The following TTC29 variants were observed in gnomAD, a reference collection of about 807,000 sequenced individuals.
The protein encoded by TTC29 is tetratricopeptide repeat protein 29.
In TTC29, 49 loss-of-function variants were observed where a neutral mutation model predicts 58.1. The ratio of observed to expected loss-of-function variants is 0.84; its 90% CI spans 0.67 to 1.07. The LOEUF (loss-of-function observed/expected upper bound fraction) is 1.07, where lower values mean the gene tolerates loss of function less well. Ranked by LOEUF, TTC29 falls within the 50% of genes least tolerant of loss-of-function variation. TTC29 has a pLI of 0.00. For missense variants in TTC29, 582 were observed against 555.6 expected (o/e 1.05, Z -0.48); for synonymous variants, 209 against 196.8 (o/e 1.06, Z -0.52).
chr4:146,728,647 A>G (rs557791729), intron 11 of TTC29, among the ~76,000 whole-genome samples: 7 of 144,716 alleles, frequency 4.8e-5, no homozygotes, highest in African/African-American at 1.8e-4. Context: ...TACTACTACT[A>G]CTCTCTCTCT....
At position 146,770,875 on chromosome 4, in the gene TTC29, C is replaced by T. The variant is rs192768761; in HGVS notation, c.1330+32582G>A. Among the ~76,000 whole-genome samples the T allele has an allele frequency of 7.2e-5, 11 of 152,064 alleles. No homozygotes were observed. In the East Asian group the frequency reaches 2.1e-3, roughly 29 times the overall value. ...AGCAGGGTAGCCTAGGTCCCTGCTG[C>T]CAAGAAGCTTACCAATAACTAACTT... On this transcript the variant is annotated intron_variant, in intron 11 of 12. Transcript: ENST00000325106.
chr4:146,879,816 G>GT (rs1472287509), intron 6 of TTC29, among the ~76,000 whole-genome samples: 1 of 152,106 alleles, frequency 6.6e-6, no homozygotes, highest in East Asian at 1.9e-4. Flanking sequence ...TTTTACCAAC[G>GT]TATCACAAAT....
In TTC29 at chr4:146,736,007, ATT is replaced by A. The variant is rs1277528791; in HGVS notation, c.1331-28458_1331-28457del. 3.3e-5 allele frequency among the ~76,000 whole-genome samples: 5 copies of A among 152,190 alleles called. No individual in the cohort carries two copies. In the South Asian group the frequency reaches 6.2e-4, roughly 19 times the overall value. Reference sequence around the variant, plus strand: ...AAGTCTTAATACAATACTATCGAAGATTGGGTGGACCAAAGGGAGTCCCTGCC... The same window carrying A: ...AAGTCTTAATACAATACTATCGAAGAGGGTGGACCAAAGGGAGTCCCTGCC... On this transcript the variant is annotated intron_variant, in intron 11 of 12. Coordinates refer to ENST00000325106, the MANE Select transcript of TTC29 (RefSeq NM_031956.4).
intron 11 of TTC29, among the ~76,000 whole-genome samples, chr4:146,795,354 T>G (rs1749762177): frequency 6.6e-6 from 1 of 152,158 alleles, no homozygotes; most frequent in Admixed American, 6.6e-5. Flanking sequence ...ATTAGTGTCT[T>G]GCCCAGCATT....
intron 11 of TTC29, among the ~76,000 whole-genome samples, chr4:146,753,622 T>C (rs1372021554): frequency 2.0e-5 from 3 of 152,154 alleles, no homozygotes; most frequent in African/African-American, 4.8e-5. Flanking sequence ...TATTGTGGCA[T>C]TATTCACAAT....
At chr4:146,852,344 G>A (rs1303576608) in intron 8 of TTC29, among the ~76,000 whole-genome samples, 1 of 152,184 alleles carries the variant, frequency 6.6e-6, no homozygotes, top group East Asian at 1.9e-4. Flanking sequence ...CAACAAGTGA[G>A]TTTAAAATCA....
chr4:146,859,600 G>A (rs987034881), intron 8 of TTC29, among the ~76,000 whole-genome samples: 2 of 151,982 alleles, frequency 1.3e-5, no homozygotes, highest in African/African-American at 4.8e-5. Context: ...TTTTTCAGAG[G>A]AATGGGTTGT....
chr4:146,827,657 C>CA (rs1352401307), intron 9 of TTC29, among the ~76,000 whole-genome samples: 3 of 152,056 alleles, frequency 2.0e-5, no homozygotes, highest in Non-Finnish European at 4.4e-5. Context: ...CTCTTCATTT[C>CA]AAAAATGGCC....
intron 2 of TTC29, among the ~76,000 whole-genome samples, chr4:146,940,426 A>G (rs1736270978): frequency 6.6e-6 from 1 of 152,242 alleles, no homozygotes; most frequent in Non-Finnish European, 1.5e-5. Context: ...GAAAGCACAC[A>G]GCCATAACAA....
chr4:146,713,624 G>A lies in TTC29; in HGVS notation c.1331-6073C>T, dbSNP rs1037321726. The stretch of plus-strand genomic sequence containing the variant: ...ACTCTCTTAAGTGTCAAAAACTGAC[G>A]TGTTCTTTCATATTACAGGATCTGG... On this transcript the variant is annotated intron_variant, in intron 11 of 12. Transcript: ENST00000325106. 2.6e-5 allele frequency among the ~76,000 whole-genome samples: 4 copies of A among 152,058 alleles called. No homozygotes were observed. In the East Asian group the frequency reaches 5.8e-4, roughly 22 times the overall value.
chr4:146,839,050 AC>A (rs1728684131), intron 8 of TTC29, among the ~76,000 whole-genome samples: 1 of 151,958 alleles, frequency 6.6e-6, no homozygotes, highest in South Asian at 2.1e-4. Flanking sequence ...AAGTTTAAAG[AC>A]CACTGTAGAG....
intron 6 of TTC29, among the ~76,000 whole-genome samples, chr4:146,894,443 C>T (rs1732615161): frequency 1.3e-5 from 2 of 150,958 alleles, no homozygotes; most frequent in South Asian, 4.2e-4. Context: ...AAAAACCAAA[C>T]ACCACATGTT....
chr4:146,894,039 G>A (rs980815037), intron 6 of TTC29, among the ~76,000 whole-genome samples: 4 of 152,152 alleles, frequency 2.6e-5, no homozygotes, highest in African/African-American at 7.2e-5. Flanking sequence ...AACAGGTGCT[G>A]GAGAGGATGT....
chr4:146,741,878 T>C (rs1745180472), intron 11 of TTC29, among the ~76,000 whole-genome samples: 1 of 152,220 alleles, frequency 6.6e-6, no homozygotes, highest in African/African-American at 2.4e-5. Context: ...CCTTAGCTCT[T>C]CATAGCACTG....
At chr4:146,865,247 T>C (rs942356913) in intron 8 of TTC29, among the ~76,000 whole-genome samples, 3 of 152,186 alleles carry the variant, frequency 2.0e-5, no homozygotes, top group African/African-American at 7.2e-5. Context: ...AGGAATCTAT[T>C]CTATGGATAA....
At chr4:146,868,398 A>C (rs1730707478) in intron 7 of TTC29, among the ~76,000 whole-genome samples, 1 of 152,152 alleles carries the variant, frequency 6.6e-6, no homozygotes. Flanking sequence ...CTATTGATTA[A>C]AGAATAGGTG....
chr4:146,861,033 A>C (rs1405675232), intron 8 of TTC29, among the ~76,000 whole-genome samples: 1 of 152,190 alleles, frequency 6.6e-6, no homozygotes, highest in African/African-American at 2.4e-5. Context: ...TATCATTTTT[A>C]AGTTAAATTA....
At chr4:146,768,176 A>T (rs551260187) in intron 11 of TTC29, among the ~76,000 whole-genome samples, 2 of 152,166 alleles carry the variant, frequency 1.3e-5, no homozygotes, top group East Asian at 3.9e-4. Context: ...AAGTTTGAAG[A>T]TTCAAATAGG....
At chr4:146,787,649 G>A (rs538113687) in intron 11 of TTC29, among the ~76,000 whole-genome samples, 8 of 152,282 alleles carry the variant, frequency 5.3e-5, no homozygotes, top group South Asian at 2.1e-4. Context: ...CAGCTTCACC[G>A]TCCCAAGTCA....
Sources: allele counts gnomAD v4.1 joint callset (sites outside exome capture counted in the v4.1 genomes callset), GRCh38; gene constraint gnomAD v4.1.1; transcripts MANE v1.5; gene names NCBI Gene and HGNC (gene_info 2026-07-23, HGNC 2026-07-21).